The following ADCYAP1R1 variants were observed in gnomAD, a reference collection of about 807,000 sequenced individuals.
ADCYAP1R1 encodes the protein pituitary adenylate cyclase-activating polypeptide type I receptor.
In ADCYAP1R1, 44 loss-of-function variants were observed where a neutral mutation model predicts 67.6. The observed-to-expected ratio is 0.65, with a 90% confidence interval of 0.51 to 0.84. The LOEUF (loss-of-function observed/expected upper bound fraction) is 0.84, where lower values mean the gene tolerates loss of function less well. Ranked by LOEUF, ADCYAP1R1 falls within the 40% of genes least tolerant of loss-of-function variation. The pLI is 0.00. For synonymous variants in ADCYAP1R1, 222 were observed against 219.6 expected (o/e 1.01, Z -0.10); for missense variants, 477 against 587.9 (o/e 0.81, Z 1.95).
Position 31,084,259 on chromosome 7 carries a change from C to T in ADCYAP1R1, c.438+9C>T. On this transcript the variant is annotated intron_variant, in intron 7 of 15. Coordinates refer to ENST00000304166, the MANE Select transcript of ADCYAP1R1 (RefSeq NM_001118.5). Reference sequence around the variant, plus strand: ...CTGAGACTGGGGACCAGGTGAGTGTCTGCACCCTGCTCCCCAGAGGTGGTG... The same window carrying T: ...CTGAGACTGGGGACCAGGTGAGTGTTTGCACCCTGCTCCCCAGAGGTGGTG... 1 of 1,609,896 alleles carries T rather than the reference C, an allele frequency of 6.2e-7. No homozygotes were observed. The highest frequency in any genetic ancestry group is 1.7e-5 in the Admixed American group (1 of 60,006).
At chr7:31,105,236 G>A (rs369544376) in intron 15 of ADCYAP1R1, among the ~76,000 whole-genome samples, 2 of 152,258 alleles carry the variant, frequency 1.3e-5, no homozygotes, top group East Asian at 3.8e-4. Flanking sequence ...ACACTCCGTG[G>A]TGAGGAGGAA....
chr7:31,098,189 C>T (rs74300358), intron 13 of ADCYAP1R1, among the ~76,000 whole-genome samples: 1 of 152,148 alleles, frequency 6.6e-6, no homozygotes, highest in Admixed American at 6.5e-5. Context: ...GGCCACTGCG[C>T]CCAGCCTGAG....
chr7:31,097,472 G>A (rs1031903366), intron 13 of ADCYAP1R1, among the ~76,000 whole-genome samples: 1 of 152,144 alleles, frequency 6.6e-6, no homozygotes. Context: ...AGCCATTGAA[G>A]GTTTGGGGAA....
At chr7:31,077,339 T>C (rs925577334) in intron 3 of ADCYAP1R1, among the ~76,000 whole-genome samples, 1 of 151,332 alleles carries the variant, frequency 6.6e-6, no homozygotes, top group Non-Finnish European at 1.5e-5. Flanking sequence ...ATGGTGTGTG[T>C]GATGTGAGTG....
At chr7:31,082,425 G>C (rs1795552107) in intron 6 of ADCYAP1R1, among the ~76,000 whole-genome samples, 1 of 152,146 alleles carries the variant, frequency 6.6e-6, no homozygotes, top group Non-Finnish European at 1.5e-5. Context: ...CCCACACTGT[G>C]TTATAAAAAG....
chr7:31,092,811 C>A, intron 13 of ADCYAP1R1, 76 bp downstream of exon 13: 1 of 1,100,574 alleles, frequency 9.1e-7, no homozygotes, highest in Non-Finnish European at 1.3e-6. Flanking sequence ...CAGCAGAAGG[C>A]GGCCTGGGCT....
At chr7:31,092,897 C>A (rs1202826517) in intron 13 of ADCYAP1R1, among the ~76,000 whole-genome samples, 162 bp downstream of exon 13, 1 of 151,986 alleles carries the variant, frequency 6.6e-6, no homozygotes, top group Non-Finnish European at 1.5e-5. Context: ...AGTTGCCCTT[C>A]CAGAATTCAG....
intron 3 of ADCYAP1R1, among the ~76,000 whole-genome samples, chr7:31,067,171 A>G (rs958595723): frequency 5.3e-5 from 8 of 152,140 alleles, no homozygotes; most frequent in Non-Finnish European, 8.8e-5. Context: ...GCTCTCCTTT[A>G]ACCCTGTCCA....
intron 13 of ADCYAP1R1, among the ~76,000 whole-genome samples, chr7:31,094,071 T>G (rs1796083966): frequency 6.6e-6 from 1 of 152,138 alleles, no homozygotes; most frequent in African/African-American, 2.4e-5. Context: ...GCCTGGGGTG[T>G]TCAGCCAGGT....
intron 13 of ADCYAP1R1, among the ~76,000 whole-genome samples, chr7:31,101,045 CT>C (rs1199438856): frequency 3.9e-5 from 6 of 152,182 alleles, no homozygotes; most frequent in Non-Finnish European, 7.3e-5. Context: ...CGTCAGTTAG[CT>C]TAGAAGCACA....
At chr7:31,087,781 C>T in intron 12 of ADCYAP1R1, 85 bp downstream of exon 12, 2 of 1,092,122 alleles carry the variant, frequency 1.8e-6, no homozygotes, top group East Asian at 4.9e-5. Context: ...AAAGAGTCCC[C>T]ACACAACCTG....
chr7:31,086,167 G>A lies in ADCYAP1R1; in HGVS notation c.670-217G>A, dbSNP rs141691866. On this transcript the variant is annotated intron_variant, in intron 9 of 15. Coordinates refer to ENST00000304166, the MANE Select transcript of ADCYAP1R1 (RefSeq NM_001118.5). This position sits in a 1 kb window ranked among gnomAD's most constrained non-coding sequence, Gnocchi z 5.0. Reference sequence around the variant, plus strand: ...TGGGGAGGCTCTGTGTCTGCCACCCGTCTTTGTCCTGTGTGTGCAGTTTTG... The same window carrying A: ...TGGGGAGGCTCTGTGTCTGCCACCCATCTTTGTCCTGTGTGTGCAGTTTTG... Among the ~76,000 whole-genome samples, 393 of 152,330 alleles carry A rather than the reference G, an allele frequency of 2.6e-3. 2 individuals are homozygous for A. The highest frequency in any genetic ancestry group is 8.9e-3 in the African/African-American group (368 of 41,572).
At chr7:31,100,957 C>T (rs1336027392) in intron 13 of ADCYAP1R1, among the ~76,000 whole-genome samples, 1 of 152,200 alleles carries the variant, frequency 6.6e-6, no homozygotes, top group Non-Finnish European at 1.5e-5. Flanking sequence ...ATTGCTGGCT[C>T]CTCAGGGCAG....
Position 31,078,077 on chromosome 7 carries a change from C to T in ADCYAP1R1, c.244C>T (p.Arg82Ter), listed in dbSNP as rs1221696090. Residue 82 changes from arginine (R) to a stop codon, truncating the protein, a stop_gained, in exon 4 of 16, where the codon CGA (arginine) becomes TGA (stop). Coordinates refer to ENST00000304166, the MANE Select transcript of ADCYAP1R1 (RefSeq NM_001118.5). LOFTEE classifies it high-confidence loss of function. ...CCTGGTCAGCTGCCCTGAGCTCTTCCGAATCTTCAACCCAGACCAAGGTGG... is the reference window on the plus strand; with the variant it reads ...CCTGGTCAGCTGCCCTGAGCTCTTCTGAATCTTCAACCCAGACCAAGGTGG... ...MVLVSCPELF[R>*]IFNPDQVWET... The T allele has an allele frequency of 4.3e-6, 7 of 1,612,488 alleles. No homozygotes were observed. Among genetic ancestry groups the T allele is most frequent in the Non-Finnish European group, 5.1e-6 (6 of 1,179,148 alleles).
At chr7:31,071,976 C>T (rs1228999905) in intron 3 of ADCYAP1R1, among the ~76,000 whole-genome samples, 1 of 118,574 alleles carries the variant, frequency 8.4e-6, no homozygotes, top group Non-Finnish European at 1.7e-5. Context: ...TCCATCCATC[C>T]ATCCATCCAT....
intron 13 of ADCYAP1R1, among the ~76,000 whole-genome samples, chr7:31,100,755 C>T (rs1023923719): frequency 1.3e-5 from 2 of 152,094 alleles, no homozygotes; most frequent in Non-Finnish European, 1.5e-5. Flanking sequence ...ACTCAAGGAC[C>T]CCTAATTGAC....
intron 13 of ADCYAP1R1, among the ~76,000 whole-genome samples, chr7:31,094,458 A>T (rs890921438): frequency 1.3e-5 from 2 of 151,992 alleles, no homozygotes; most frequent in African/African-American, 4.8e-5. Flanking sequence ...TGTCTCCCAT[A>T]TTTGAAGCTG....
At chr7:31,082,676 A>C (rs1017021709) in intron 6 of ADCYAP1R1, among the ~76,000 whole-genome samples, 25 of 152,184 alleles carry the variant, frequency 1.6e-4, no homozygotes, top group Non-Finnish European at 2.9e-5. Flanking sequence ...AGGTTGCCTG[A>C]GACAGATTTG....
chr7:31,071,916 A>G (rs1362656619), intron 3 of ADCYAP1R1, among the ~76,000 whole-genome samples: 4 of 151,818 alleles, frequency 2.6e-5, no homozygotes, highest in Non-Finnish European at 4.4e-5. Context: ...TAATTCCCCC[A>G]ACATCTGGTT....
Sources: allele counts gnomAD v4.1 joint callset (sites outside exome capture counted in the v4.1 genomes callset), GRCh38; gene constraint gnomAD v4.1.1; non-coding constraint Gnocchi (gnomAD v3.1); transcripts MANE v1.5; gene names NCBI Gene and HGNC (gene_info 2026-07-23, HGNC 2026-07-21).